Variants in CDH1 observed in about 807,000 individuals in gnomAD.
The protein encoded by CDH1 is cadherin 1.
A neutral mutation model predicts 84.5 loss-of-function variants in CDH1; 35 were observed. The ratio of observed to expected loss-of-function variants is 0.41; its 90% confidence interval spans 0.32 to 0.55. CDH1 has a LOEUF of 0.55. Ranked by LOEUF, CDH1 falls within the 20% of genes least tolerant of loss-of-function variation. The pLI, the probability that CDH1 is intolerant of heterozygous loss-of-function variation, is 0.19. For synonymous variants in CDH1, 417 were observed against 439.0 expected (o/e 0.95, Z 0.63); for missense variants, 994 against 1,126.6 (o/e 0.88, Z 1.68).
chr16:68,811,628 TGA>T, intron 6 of CDH1, 54 bp from the exon 7 acceptor site: 1 of 1,501,934 alleles, frequency 6.7e-7, no homozygotes, highest in African/African-American at 1.4e-5. Flanking sequence ...TAAGCAGTAT[TGA>T]CCCAGTCCCA....
chr16:68,807,031 T>A (rs1960684207), intron 3 of CDH1, among the ~76,000 whole-genome samples: 1 of 152,146 alleles, frequency 6.6e-6, no homozygotes, highest in East Asian at 1.9e-4. Context: ...ATGTGGAGGG[T>A]GAGAGATGGA....
chr16:68,743,093 C>T (rs1289676554), intron 2 of CDH1, among the ~76,000 whole-genome samples: 1 of 152,214 alleles, frequency 6.6e-6, no homozygotes, highest in African/African-American at 2.4e-5. Flanking sequence ...ATGGAAATCC[C>T]TGTTTGCTCT....
At chr16:68,754,284 G>A (rs1439757091) in intron 2 of CDH1, among the ~76,000 whole-genome samples, 1 of 152,050 alleles carries the variant, frequency 6.6e-6, no homozygotes, top group African/African-American at 2.4e-5. Flanking sequence ...GGTGGCATGA[G>A]CTGGCAGACC....
intron 2 of CDH1, among the ~76,000 whole-genome samples, chr16:68,752,773 A>T (rs190233879): frequency 6.6e-6 from 1 of 152,254 alleles, no homozygotes; most frequent in East Asian, 1.9e-4. Flanking sequence ...TAAAGGTCAG[A>T]TGAGCCATTT....
At chr16:68,771,748 C>T (rs1959582105) in intron 2 of CDH1, among the ~76,000 whole-genome samples, 1 of 94,312 alleles carries the variant, frequency 1.1e-5, no homozygotes, top group African/African-American at 3.3e-5. Context: ...AAGACTCCCT[C>T]TCAAAAAAAA....
chr16:68,778,079 G>C (rs866480887), intron 2 of CDH1, among the ~76,000 whole-genome samples: 2 of 138,666 alleles, frequency 1.4e-5, no homozygotes, highest in Non-Finnish European at 3.2e-5. Context: ...ACGGAATCTC[G>C]CTCTGTTGCC....
At chr16:68,769,708 G>A (rs968762801) in intron 2 of CDH1, among the ~76,000 whole-genome samples, 1 of 151,674 alleles carries the variant, frequency 6.6e-6, no homozygotes, top group Non-Finnish European at 1.5e-5. Context: ...TGGGAGTATC[G>A]CCGGAGTCCA....
intron 11 of CDH1, 129 bp from the exon 12 acceptor site, chr16:68,821,872 G>A (rs1362580223): frequency 1.5e-5 from 11 of 749,350 alleles, no homozygotes; most frequent in Non-Finnish European, 9.4e-6. Context: ...AGGAGGTTCT[G>A]CGGGTGGAGT....
intron 15 of CDH1, among the ~76,000 whole-genome samples, chr16:68,831,272 G>A (rs146670625): frequency 0.012 from 1,651 of 142,552 alleles, 33 homozygotes; most frequent in African/African-American, 0.041. Flanking sequence ...TTTATTTTTA[G>A]TAGAGACAGG....
At chr16:68,743,363 C>CTTTCTTTCT (rs1555510239) in intron 2 of CDH1, among the ~76,000 whole-genome samples, 1 of 94,900 alleles carries the variant, frequency 1.1e-5, no homozygotes, top group African/African-American at 4.2e-5. Context: ...TTCTTTCTTT[C>CTTTCTTTCT]TTTTCTTTTC....
chr16:68,817,192 T>C (rs544245463), intron 10 of CDH1, among the ~76,000 whole-genome samples: 6 of 152,340 alleles, frequency 3.9e-5, no homozygotes, highest in Admixed American at 3.3e-4. Context: ...AGTAAATAAC[T>C]GAGCAGTAGA....
chr16:68,820,036 A>C (rs1961097697), intron 11 of CDH1, among the ~76,000 whole-genome samples: 1 of 151,942 alleles, frequency 6.6e-6, no homozygotes, highest in Admixed American at 6.6e-5. Context: ...CTGTCTCTAC[A>C]AAAAGTACAT....
chr16:68,815,295 A>G (rs1030774464), intron 9 of CDH1, among the ~76,000 whole-genome samples: 12 of 152,240 alleles, frequency 7.9e-5, no homozygotes, highest in African/African-American at 2.9e-4. Flanking sequence ...CTGGATCCCT[A>G]GAATAGCCCC....
chr16:68,777,711 T>G (rs1327151802), intron 2 of CDH1, among the ~76,000 whole-genome samples: 1 of 151,852 alleles, frequency 6.6e-6, no homozygotes, highest in Non-Finnish European at 1.5e-5. Flanking sequence ...CCTGGCTAAT[T>G]TTTGTATTTT....
intron 11 of CDH1, among the ~76,000 whole-genome samples, chr16:68,821,150 T>G (rs1323275960): frequency 6.6e-6 from 1 of 152,040 alleles, no homozygotes; most frequent in Non-Finnish European, 1.5e-5. Context: ...TGCTCCGTGT[T>G]GTGTCAAGAT....
intron 6 of CDH1, 43 bp downstream of exon 6, chr16:68,810,384 A>C (rs779062511): frequency 2.5e-6 from 4 of 1,594,716 alleles, no homozygotes; most frequent in African/African-American, 2.7e-5. Context: ...AAAGACTCTT[A>C]GGTTCTTTGG....
chr16:68,822,675 A>C (rs912976455), intron 12 of CDH1: 2 of 336,768 alleles, frequency 5.9e-6, no homozygotes, highest in African/African-American at 4.3e-5. Context: ...TCCTACACCT[A>C]CTTCTCTCTG....
chr16:68,787,590 C>A (rs1960090119), intron 2 of CDH1, among the ~76,000 whole-genome samples: 1 of 151,658 alleles, frequency 6.6e-6, no homozygotes, highest in Admixed American at 6.6e-5. Context: ...GTGATCCTCC[C>A]ACCTCAGCCT....
rs587780119 is a variant in CDH1, at chr16:68,829,701, A to T, written c.2343A>T (p.Glu781Asp). 72 of 1,614,036 alleles carry T rather than the reference A, an allele frequency of 4.5e-5. No homozygotes were observed. The highest frequency in any genetic ancestry group is 5.5e-5 in the Non-Finnish European group (65 of 1,180,018). ...ACAGGGGCCTGGACGCTCGGCCTGA[A>T]GTGACTCGTAACGACGTTGCACCAA... is the stretch of plus-strand genomic sequence containing the variant. The part of the protein sequence containing the change: ...QLHRGLDARP[E>D]VTRNDVAPTL... The change falls in exon 15 of 16, where the codon GAA becomes GAT. Residue 781 changes from glutamate to aspartate, a missense_variant. Around this residue, in one of 3 missense-constraint regions of CDH1, gnomAD observed 769 missense variants for 881.8 expected, o/e 0.87. Coordinates refer to ENST00000261769, the MANE Select transcript of CDH1 (RefSeq NM_004360.5).
Sources: gnomAD v4.1 joint callset for allele counts (sites outside exome capture counted in the v4.1 genomes callset) on GRCh38, gnomAD v4.1.1 for gene constraint, gnomAD v4.1.1 regional missense constraint, MANE v1.5 for transcripts, NCBI Gene and HGNC (gene_info 2026-07-23, HGNC 2026-07-21) for gene names.